ABCC10: variants seen among roughly 807,000 people sequenced by gnomAD.
ABCC10 encodes the protein ATP-binding cassette sub-family C member 10.
Under a neutral mutation model 143.2 loss-of-function variants are expected in ABCC10, and 110 were observed. The ratio of observed to expected loss-of-function variants is 0.77; its 90% CI spans 0.66 to 0.90. The LOEUF (loss-of-function observed/expected upper bound fraction) is 0.90, where lower values mean the gene tolerates loss of function less well. ABCC10 is among the 40% of genes least tolerant of loss of function. The probability of loss-of-function intolerance (pLI) is 0.00; values close to 1 mark genes in which losing one functional copy is unlikely to be tolerated. For synonymous variants in ABCC10, 805 were observed against 846.7 expected, an observed-to-expected ratio of 0.95 and a Z score of 0.85; for missense variants, 1,700 against 1,900.5, an observed-to-expected ratio of 0.89 and a Z score of 1.96.
Position 43,432,431 on chromosome 6 carries a change from G to A in ABCC10, c.451G>A (p.Val151Met), listed in dbSNP as rs775221422. The stretch of plus-strand genomic sequence containing the variant: ...GCCAGCTCCAGCCCTAGTGCTGACC[G>A]TGTTGTGGCATTGCCAGCGAGGCAC... The part of the protein sequence containing the change: ...LLPAPALVLT[V>M]LWHCQRGTLL... Residue 151 changes from valine to methionine, a missense_variant, in exon 3 of 22, where the codon GTG (valine) becomes ATG (methionine). Coordinates refer to ENST00000372530, the MANE Select transcript of ABCC10 (RefSeq NM_001198934.2). 39 of 1,611,720 alleles carry A rather than the reference G, an allele frequency of 2.4e-5. No individual in the cohort carries two copies. The highest frequency in any genetic ancestry group is 8.3e-5 in the Admixed American group (5 of 60,012).
In ABCC10 at chr6:43,449,499, C is replaced by T. The variant is rs1385848205; in HGVS notation, c.4281C>T (p.Arg1427=). 3 of 1,613,978 alleles carry T rather than the reference C, an allele frequency of 1.9e-6. No individual in the cohort carries two copies. The highest frequency in any genetic ancestry group is 2.5e-6 in the Non-Finnish European group (3 of 1,179,966). The change falls in exon 21 of 22, where the codon CGC becomes CGT. Residue 1427 remains arginine (R), a synonymous_variant. Coordinates refer to ENST00000372530, the MANE Select transcript of ABCC10 (RefSeq NM_001198934.2). ...TGCTCCAGCAGACCATCTGCAAACG[C>T]TTTGCCAACAAGACAGTGCTGACCA... ...DQLLQQTICK[R]FANKTVLTIA... is the part of the protein sequence containing the mutation.
chr6:43,429,412 C>T lies in ABCC10; in HGVS notation c.161+1273C>T, dbSNP rs941263751. Among the ~76,000 whole-genome samples, 282 of 100,310 alleles carry T rather than the reference C, an allele frequency of 2.8e-3. 1 individual carries two copies. Among genetic ancestry groups the T allele is most frequent in the Middle Eastern group, 4.9e-3 (1 of 204 alleles). The allele number at this position is 100,310 out of a possible 152,430, so 65.8% of individuals were successfully genotyped here. On this transcript the variant is annotated intron_variant, in intron 2 of 21. Transcript: ENST00000372530. The stretch of plus-strand genomic sequence containing the variant: ...TGTGTGTGTGTGTGTGTGTGTGTGG[C>T]GGGGGGGAGGGGGGATTGTTATTGT...
downstream of ABCC10, among the ~76,000 whole-genome samples, chr6:43,451,678 C>T (rs1783749558): frequency 6.6e-6 from 1 of 152,084 alleles, no homozygotes; most frequent in South Asian, 2.1e-4. This position sits in a 1 kb window ranked among gnomAD's most constrained non-coding sequence, Gnocchi z 4.4. Flanking sequence ...CTCCCCACAC[C>T]CACCCTCCCC....
intron 2 of ABCC10, among the ~76,000 whole-genome samples, chr6:43,428,701 AT>A (rs1462850573): frequency 2.0e-5 from 3 of 152,176 alleles, no homozygotes; most frequent in African/African-American, 7.2e-5. Context: ...TTGATTTTGT[AT>A]TTAGTTCTTG....
At chr6:43,448,805 C>G (rs993495727) in intron 18 of ABCC10, 76 bp from the exon 19 acceptor site, 20 of 1,520,432 alleles carry the variant, frequency 1.3e-5, no homozygotes, top group East Asian at 9.1e-5. Context: ...AGGTGCTAGC[C>G]CTGTAGTCAG....
chr6:43,442,922 G>A lies in ABCC10; in HGVS notation c.2227-48G>A, dbSNP rs765562280. The A allele has an allele frequency of 3.3e-5, 49 of 1,474,848 alleles. No individual in the cohort carries two copies. The Admixed American group carries it at 4.0e-4, about 12-fold the overall frequency. 91.4% of individuals were successfully genotyped at this position (1,474,848 alleles called of 1,614,324 possible). ...CTCTGATCACTTTGAGATCTTCTCCGGAGAGCCTTTGGGTCCTGGTGCCCA... is the reference window on the plus strand; with the variant it reads ...CTCTGATCACTTTGAGATCTTCTCCAGAGAGCCTTTGGGTCCTGGTGCCCA... On this transcript the variant is annotated intron_variant, in intron 9 of 21. Coordinates refer to ENST00000372530, the MANE Select transcript of ABCC10 (RefSeq NM_001198934.2).
chr6:43,430,263 G>A (rs961038472), intron 2 of ABCC10, among the ~76,000 whole-genome samples: 5 of 151,474 alleles, frequency 3.3e-5, no homozygotes, highest in East Asian at 2.0e-4. Context: ...GCCAGTTTTC[G>A]TATTTTTACT....
chr6:43,433,408 C>T, intron 3 of ABCC10, 48 bp downstream of exon 3: 1 of 1,529,338 alleles, frequency 6.5e-7, no homozygotes, highest in Admixed American at 2.0e-5. Context: ...CCCCACCCAG[C>T]CCAGGTCCCC....
intron 2 of ABCC10, among the ~76,000 whole-genome samples, chr6:43,431,421 C>T (rs529916704): frequency 4.6e-5 from 7 of 152,234 alleles, no homozygotes; most frequent in Middle Eastern, 3.4e-3. Context: ...AGTGCATTGG[C>T]GTGATCTCAG....
chr6:43,445,196 A>T lies in ABCC10; in HGVS notation c.2912A>T (p.Tyr971Phe). ...GACATCCGTTTCTACCTCACCGTGT[A>T]TGCGACCATTGCTGGTGTAAATTCC... ...SSDIRFYLTV[Y>F]ATIAGVNSLC... The change falls in exon 14 of 22, where the codon TAT (tyrosine) becomes TTT (phenylalanine). Residue 971 changes from tyrosine to phenylalanine, a missense_variant. Physicochemically the swap from Tyr to Phe is conservative, Grantham distance 22 (BLOSUM62 3). Transcript: ENST00000372530. The T allele has an allele frequency of 2.5e-6, 4 of 1,614,084 alleles. No homozygotes were observed. Among genetic ancestry groups the T allele is most frequent in the Non-Finnish European group, 3.4e-6 (4 of 1,179,972 alleles).
chr6:43,438,221 A>G (rs889571854), intron 7 of ABCC10: 11 of 934,014 alleles, frequency 1.2e-5, no homozygotes, highest in African/African-American at 1.2e-4. Context: ...TTTAAATGCT[A>G]TAATAGTCAG....
Position 43,432,389 on chromosome 6 carries a change from G to A in ABCC10, c.409G>A (p.Ala137Thr). Residue 137 changes from alanine to threonine, a missense_variant, in exon 3 of 22, where the codon GCC becomes ACC. Ala to Thr is a moderately conservative substitution (Grantham distance 58). Transcript: ENST00000372530. ...HGHSRGPLALALVALLPAPAL... is the reference protein window; with the variant it reads ...HGHSRGPLALTLVALLPAPAL... ...CCACTCCCGGGGTCCCTTGGCCTTG[G>A]CCCTGGTAGCCTTGCTGCCAGCTCC... The A allele has an allele frequency of 6.2e-7, 1 of 1,612,520 alleles. No individual in the cohort carries two copies. Among genetic ancestry groups the A allele is most frequent in the African/African-American group, 1.3e-5 (1 of 75,062 alleles).
Position 43,445,953 on chromosome 6 carries a change from C to T in ABCC10, c.3374+11C>T. 1.9e-6 allele frequency: 3 copies of T among 1,605,906 alleles called. No individual in the cohort carries two copies. The highest frequency in any genetic ancestry group is 2.6e-6 in the Non-Finnish European group (3 of 1,174,360). On this transcript the variant is annotated intron_variant, in intron 15 of 21. Transcript: ENST00000372530. ...AGGGGCCACCTACAGGTGTGTGAAC[C>T]AGAGCCCAGGGGGATGAGGTGTTGG...
chr6:43,445,808 C>T lies in ABCC10; in HGVS notation c.3240C>T (p.His1080=), dbSNP rs142049644. ...CGCCTTTGAGCATCATGTACTATCA[C>T]GTGCAGCGCCACTACAGGGCCTCCT... ...LLPPLSIMYY[H]VQRHYRASSR... Residue 1080 remains histidine, a synonymous_variant, in exon 15 of 22, where the codon CAC becomes CAT. Transcript: ENST00000372530. 10 of 1,614,010 alleles carry T rather than the reference C, an allele frequency of 6.2e-6. No homozygotes were observed. Among genetic ancestry groups the T allele is most frequent in the East Asian group, 2.2e-5 (1 of 44,886 alleles).
In ABCC10 at chr6:43,443,760, G is replaced by C. The variant is rs1782722148; in HGVS notation, c.2417-173G>C. The C allele has an allele frequency of 1.6e-6, 1 of 644,294 alleles. No individual in the cohort carries two copies. Among genetic ancestry groups the C allele is most frequent in the Admixed American group, 2.5e-5 (1 of 39,508 alleles). The allele number at this position is 644,294 out of a possible 1,614,324, so 39.9% of individuals were successfully genotyped here. On this transcript the variant is annotated intron_variant, in intron 10 of 21. Transcript: ENST00000372530. The surrounding 1 kb of genome is among the most constrained non-coding windows in gnomAD (Gnocchi z 4.2). ...CGAGGTCTAGGGGTATCCAGAGCAG[G>C]GTGGGTTAGAGAGGGAGGCCTAAGA...
chr6:43,444,481 A>G, intron 12 of ABCC10, 128 bp downstream of exon 12: 1 of 1,240,094 alleles, frequency 8.1e-7, no homozygotes, highest in Non-Finnish European at 1.1e-6. Flanking sequence ...CAAAAGCCAT[A>G]CTCCTAATTC....
intron 3 of ABCC10, 58 bp from the exon 4 acceptor site, chr6:43,434,563 G>C: frequency 1.3e-6 from 2 of 1,506,236 alleles, no homozygotes; most frequent in Non-Finnish European, 1.8e-6. Context: ...AGGCTTGGCA[G>C]GGAAGACACA....
Position 43,434,776 on chromosome 6 carries a change from C to T in ABCC10, c.1536C>T (p.Ala512=). 1 of 1,614,160 alleles carries T rather than the reference C, an allele frequency of 6.2e-7. No individual in the cohort carries two copies. The highest frequency in any genetic ancestry group is 1.1e-5 in the South Asian group (1 of 91,090). Residue 512 remains alanine, a synonymous_variant, in exon 4 of 22, where the codon GCC becomes GCT. Transcript: ENST00000372530. The part of the protein sequence containing the change: ...LDAACVYLWA[A]LPVVISIVIF... ...CGGCCTGTGTATACCTGTGGGCTGC[C>T]CTACCGGTTGTCATCTCCATCGTTA...
In ABCC10 at chr6:43,443,363, T is replaced by C. The variant is rs1434437481; in HGVS notation, c.2416+204T>C. The stretch of plus-strand genomic sequence containing the variant: ...AAAATGCCAGTGTATTTGGGACTCA[T>C]GGGCTTTGTGACTGGGTGCTCTTGG... On this transcript the variant is annotated intron_variant, in intron 10 of 21. Coordinates refer to ENST00000372530, the MANE Select transcript of ABCC10 (RefSeq NM_001198934.2). This position sits in a 1 kb window ranked among gnomAD's most constrained non-coding sequence, Gnocchi z 4.2. 5.8e-6 allele frequency: 3 copies of C among 513,264 alleles called. No homozygotes were observed. Among genetic ancestry groups the C allele is most frequent in the South Asian group, 3.9e-5 (1 of 25,386 alleles). The allele number at this position is 513,264 out of a possible 1,614,324, so 31.8% of individuals were successfully genotyped here.
Sources: gnomAD v4.1 joint callset for allele counts (sites outside exome capture counted in the v4.1 genomes callset) on GRCh38, gnomAD v4.1.1 for gene constraint, Gnocchi (gnomAD v3.1) non-coding constraint, MANE v1.5 for transcripts, NCBI Gene and HGNC (gene_info 2026-07-23, HGNC 2026-07-21) for gene names.